The following ZZEF1 variants were observed in gnomAD, a reference collection of about 807,000 sequenced individuals.
ZZEF1 encodes zinc finger ZZ-type and EF-hand domain-containing protein 1.
Under a neutral mutation model 342.8 loss-of-function variants are expected in ZZEF1, and 157 were observed. The observed-to-expected ratio is 0.46, with a 90% CI of 0.40 to 0.52. The LOEUF is 0.52. Among genes scored for constraint, ZZEF1 ranks in the 20% least tolerant of loss-of-function variants. ZZEF1 has a pLI of 0.00. For missense variants in ZZEF1, 3,480 were observed against 3,725.6 expected (o/e 0.93, Z 1.72); for synonymous variants, 1,505 against 1,429.1 (o/e 1.05, Z -1.20).
At chr17:4,087,115 T>C (rs1402422624) in intron 14 of ZZEF1, among the ~76,000 whole-genome samples, 2 of 152,220 alleles carry the variant, frequency 1.3e-5, no homozygotes, top group Admixed American at 1.3e-4. Context: ...CTCCTGACCT[T>C]GTGATCCACC....
At chr17:4,076,484 T>A (rs1471051567) in intron 21 of ZZEF1, 153 bp downstream of exon 21, 12 of 993,964 alleles carry the variant, frequency 1.2e-5, no homozygotes, top group Admixed American at 2.7e-5. Flanking sequence ...GGACTGACAT[T>A]CACCCTTGTT....
rs760651364 is a variant in ZZEF1 at position 4,050,985 on chromosome 17, G to A, written c.5659C>T (p.Arg1887Trp). 15 of 1,614,060 alleles carry A rather than the reference G, an allele frequency of 9.3e-6. No individual in the cohort carries two copies. The highest frequency in any genetic ancestry group is 1.6e-4 in the Middle Eastern group (1 of 6,084). ...HPMVTIRISD[R>W]QRLIQPYIHN... is the part of the protein sequence containing the mutation. The stretch of plus-strand genomic sequence containing the variant: ...ATATATGGCTGGATGAGCCTCTGCC[G>A]GTCACTGATCCGAATGGTTACCATT... Residue 1887 changes from arginine (R) to tryptophan (W), a missense_variant, in exon 36 of 55, where the codon CGG becomes TGG. By Grantham distance (101) the Arg-to-Trp change is moderately radical. Around this residue, in one of 5 missense-constraint regions of ZZEF1, gnomAD observed 175 missense variants for 254.6 expected, o/e 0.69. Transcript: ENST00000381638.
rs1002798949 is a variant in ZZEF1 at position 4,024,119 on chromosome 17, C to T, written c.7092+800G>A. Among the ~76,000 whole-genome samples the T allele has an allele frequency of 3.3e-5, 5 of 150,824 alleles. 1 individual carries two copies. Among genetic ancestry groups the T allele is most frequent in the Admixed American group, 6.6e-5 (1 of 15,110 alleles). ...TCCTTGAAAAATCATTCCTCCCAAT[C>T]GCTGCCTCTCAGGTATGGGAAATTC... On this transcript the variant is annotated intron_variant, in intron 43 of 54. Transcript: ENST00000381638.
At chr17:4,065,700 CCA>C (rs2057377939) in intron 28 of ZZEF1, among the ~76,000 whole-genome samples, 1 of 152,046 alleles carries the variant, frequency 6.6e-6, no homozygotes, top group South Asian at 2.1e-4. Context: ...CATTCCAGCA[CCA>C]CACTATTTTA....
rs371739016 is a variant in ZZEF1, at chr17:4,075,391, C to T, written c.3273G>A (p.Val1091=). The T allele has an allele frequency of 8.4e-5, 135 of 1,614,078 alleles. No homozygotes were observed. The highest frequency in any genetic ancestry group is 1.1e-4 in the Non-Finnish European group (135 of 1,180,038). The stretch of plus-strand genomic sequence containing the variant: ...CAGATTCCTTCGTCCACGTATGTAA[C>T]ACCACAGGCTGTTCCTGTTGCCAGG... ...VETWQQEQPV[V]LHTWTKESAH... The change falls in exon 22 of 55, where the codon GTG becomes GTA. Residue 1091 remains valine (V), a synonymous_variant. Transcript: ENST00000381638.
intron 14 of ZZEF1, among the ~76,000 whole-genome samples, chr17:4,086,906 C>T (rs190118902): frequency 2.0e-5 from 3 of 152,076 alleles, no homozygotes; most frequent in East Asian, 3.9e-4. Flanking sequence ...TTGTTGAGAC[C>T]GAGTCTCACT....
intron 9 of ZZEF1, among the ~76,000 whole-genome samples, chr17:4,099,213 G>T (rs1353382452): frequency 6.6e-6 from 1 of 151,902 alleles, no homozygotes; most frequent in Admixed American, 6.6e-5. Context: ...AGCTCACGTG[G>T]TTTTTTTCAT....
intron 25 of ZZEF1, among the ~76,000 whole-genome samples, chr17:4,072,033 AAAG>A (rs1228815303): frequency 6.6e-6 from 1 of 152,180 alleles, no homozygotes; most frequent in African/African-American, 2.4e-5. Context: ...GCATGGATCC[AAAG>A]AAGAGAGGGT....
chr17:4,014,538 A>C lies in ZZEF1; in HGVS notation c.8146-23T>G, dbSNP rs779329772. ...ATCCTAGGGAGGGGAAATGGAGAAC[A>C]CATCTGTCGATGCTGCTCACTAGAC... is the stretch of plus-strand genomic sequence containing the variant. On this transcript the variant is annotated intron_variant, in intron 49 of 54. Coordinates refer to ENST00000381638, the MANE Select transcript of ZZEF1 (RefSeq NM_015113.4). This position sits in a 1 kb window ranked among gnomAD's most constrained non-coding sequence, Gnocchi z 4.4. 6.2e-7 allele frequency: 1 copy of C among 1,613,132 alleles called. No homozygotes were observed. Among genetic ancestry groups the C allele is most frequent in the Non-Finnish European group, 8.5e-7 (1 of 1,179,390 alleles).
chr17:4,013,370 A>C (rs147360991), intron 52 of ZZEF1, 79 bp downstream of exon 52: 1 of 1,363,518 alleles, frequency 7.3e-7, no homozygotes, highest in African/African-American at 1.5e-5. Context: ...CAAAGTCACC[A>C]CTAACAGCAA....
At chr17:4,046,040 G>A (rs575858907) in intron 37 of ZZEF1, among the ~76,000 whole-genome samples, 1 of 152,206 alleles carries the variant, frequency 6.6e-6, no homozygotes, top group South Asian at 2.1e-4. Context: ...TGTTAGCCAG[G>A]ATGGTCTTGA....
intron 54 of ZZEF1, among the ~76,000 whole-genome samples, chr17:4,007,364 C>T (rs2055826645): frequency 6.6e-6 from 1 of 152,212 alleles, no homozygotes; most frequent in South Asian, 2.1e-4. Context: ...CACTGAGATG[C>T]CCTGGAGGCG....
chr17:4,132,975 A>T (rs898166594), intron 1 of ZZEF1, among the ~76,000 whole-genome samples: 3 of 151,592 alleles, frequency 2.0e-5, no homozygotes, highest in Non-Finnish European at 4.4e-5. Flanking sequence ...CAAAAAAAAA[A>T]GTGGAGCAGG....
At chr17:4,142,335 A>G (rs1342631222) in intron 1 of ZZEF1, among the ~76,000 whole-genome samples, 4 of 152,240 alleles carry the variant, frequency 2.6e-5, no homozygotes, top group African/African-American at 7.2e-5. Flanking sequence ...GGGCTTGTCC[A>G]GCTCTTCAGA....
At position 4,016,409 on chromosome 17, in the gene ZZEF1, C is replaced by A. The variant is rs951066542; in HGVS notation, c.8059G>T (p.Ala2687Ser). 4 of 1,613,976 alleles carry A rather than the reference C, an allele frequency of 2.5e-6. No homozygotes were observed. In the African/African-American group the frequency reaches 5.3e-5, roughly 22 times the overall value. ...GGCTCCTCCATGAACTGGCATGCAGCCAGGGCCATGGTCCCCAGCATGTCC... is the reference window on the plus strand; with the variant it reads ...GGCTCCTCCATGAACTGGCATGCAGACAGGGCCATGGTCCCCAGCATGTCC... ...REDMLGTMAL[A>S]ACQFMEEPGM... is the part of the protein sequence containing the mutation. Residue 2687 changes from alanine to serine, a missense_variant, in exon 49 of 55, where the codon GCT (alanine) becomes TCT (serine). Around this residue, in one of 5 missense-constraint regions of ZZEF1, gnomAD observed 1,269 missense variants for 1,342.4 expected, o/e 0.95. Coordinates refer to ENST00000381638, the MANE Select transcript of ZZEF1 (RefSeq NM_015113.4). The surrounding 1 kb of genome is among the most constrained non-coding windows in gnomAD (Gnocchi z 4.4).
At chr17:4,054,331 G>T in intron 33 of ZZEF1, 136 bp from the exon 34 acceptor site, 1 of 930,466 alleles carries the variant, frequency 1.1e-6, no homozygotes, top group Non-Finnish European at 1.6e-6. Context: ...TAATGAATAA[G>T]CTCCTCAGTG....
At chr17:4,077,432 C>G (rs566610568) in intron 19 of ZZEF1, among the ~76,000 whole-genome samples, 1 of 152,014 alleles carries the variant, frequency 6.6e-6, no homozygotes, top group African/African-American at 2.4e-5. Flanking sequence ...TGTCAGCACC[C>G]GTTGGGTTTC....
chr17:4,076,895 T>C lies in ZZEF1; in HGVS notation c.3084A>G (p.Ser1028=). ...GKTIVERLCN[S]VFSMAARQLV... ...GTTGACGAGCTGCCATTGAAAACAC[T>C]GAGTTACATAATCTTTCTACTATGG... is the stretch of plus-strand genomic sequence containing the variant. The change falls in exon 20 of 55, where the codon TCA becomes TCG. Residue 1028 remains serine (S), a synonymous_variant. Coordinates refer to ENST00000381638, the MANE Select transcript of ZZEF1 (RefSeq NM_015113.4). 1 of 1,614,212 alleles carries C rather than the reference T, an allele frequency of 6.2e-7. No individual in the cohort carries two copies. The highest frequency in any genetic ancestry group is 8.5e-7 in the Non-Finnish European group (1 of 1,180,022).
At chr17:4,088,652 C>G in intron 13 of ZZEF1, 26 bp downstream of exon 13, 1 of 1,608,784 alleles carries the variant, frequency 6.2e-7, no homozygotes, top group African/African-American at 1.3e-5. Flanking sequence ...TAAAGGAATG[C>G]CGTCTAACAA....
Sources: allele counts gnomAD v4.1 joint callset (sites outside exome capture counted in the v4.1 genomes callset), GRCh38; gene constraint gnomAD v4.1.1; regional missense constraint gnomAD v4.1.1; non-coding constraint Gnocchi (gnomAD v3.1); transcripts MANE v1.5; gene names NCBI Gene and HGNC (gene_info 2026-07-23, HGNC 2026-07-21).